DGKB: variants seen among roughly 807,000 people sequenced by gnomAD.
DGKB encodes the protein diacylglycerol kinase beta.
In DGKB, 67 loss-of-function variants were observed where a neutral mutation model predicts 114.3. The ratio of observed to expected loss-of-function variants is 0.59; its 90% confidence interval spans 0.48 to 0.72. DGKB has a LOEUF of 0.72. DGKB is among the 30% of genes least tolerant of loss of function. The pLI is 0.00. For synonymous variants in DGKB, 398 were observed against 323.1 expected, an observed-to-expected ratio of 1.23 and a Z score of -2.49; for missense variants, 907 against 975.2, an observed-to-expected ratio of 0.93 and a Z score of 0.93.
chr7:14,337,559 T>C (rs993273926), intron 23 of DGKB, among the ~76,000 whole-genome samples: 2 of 152,104 alleles, frequency 1.3e-5, no homozygotes, highest in African/African-American at 4.8e-5. Context: ...TTGAACCAGG[T>C]ACTCAAAGAC....
At chr7:14,371,293 T>C (rs1254412631) in intron 21 of DGKB, among the ~76,000 whole-genome samples, 1 of 152,174 alleles carries the variant, frequency 6.6e-6, no homozygotes, top group Non-Finnish European at 1.5e-5. Flanking sequence ...CAGCAGTGTA[T>C]AAGCAAGCAT....
chr7:14,754,041 A>C, intron 3 of DGKB, 93 bp from the exon 4 acceptor site: 1 of 916,908 alleles, frequency 1.1e-6, no homozygotes, highest in Non-Finnish European at 1.7e-6. Context: ...TAAAAGTTCA[A>C]GTTTACAGGT....
At chr7:14,350,305 A>C (rs1269936693) in intron 21 of DGKB, among the ~76,000 whole-genome samples, 2 of 152,136 alleles carry the variant, frequency 1.3e-5, no homozygotes, top group East Asian at 3.9e-4. Flanking sequence ...AATTTCCAGC[A>C]ATATATTTTC....
intron 23 of DGKB, among the ~76,000 whole-genome samples, chr7:14,197,373 G>T (rs1274329684): frequency 6.6e-6 from 1 of 151,670 alleles, no homozygotes. Flanking sequence ...TATGAAAGAA[G>T]ACTAAACTTG....
intron 13 of DGKB, among the ~76,000 whole-genome samples, chr7:14,639,070 T>TG (rs1554564535): frequency 2.6e-4 from 40 of 151,324 alleles, no homozygotes; most frequent in African/African-American, 9.7e-4. Flanking sequence ...TTTATTAAAT[T>TG]AAAAAAAACA....
chr7:14,631,781 G>A (rs1368089229), intron 13 of DGKB, among the ~76,000 whole-genome samples: 1 of 151,970 alleles, frequency 6.6e-6, no homozygotes, highest in Non-Finnish European at 1.5e-5. Flanking sequence ...GCTTCGGGTT[G>A]AAGCTTAAGG....
chr7:14,569,285 G>A (rs1278111303), intron 20 of DGKB, among the ~76,000 whole-genome samples: 1 of 152,126 alleles, frequency 6.6e-6, no homozygotes, highest in Non-Finnish European at 1.5e-5. Context: ...GGAGGCCCAA[G>A]TCAAAGGAAA....
At chr7:14,491,414 T>C (rs566647935) in intron 20 of DGKB, among the ~76,000 whole-genome samples, 1 of 152,222 alleles carries the variant, frequency 6.6e-6, no homozygotes, top group South Asian at 2.1e-4. Flanking sequence ...ATTAAATCTC[T>C]TTTTCTTTAT....
chr7:14,963,978 T>C (rs892149087), intron 1 of DGKB, among the ~76,000 whole-genome samples: 13 of 152,254 alleles, frequency 8.5e-5, no homozygotes, highest in Admixed American at 3.3e-4. Flanking sequence ...AGATGTATGA[T>C]ATTTGTTATA....
At chr7:14,182,586 G>T (rs1167732441) in intron 23 of DGKB, among the ~76,000 whole-genome samples, 1 of 152,066 alleles carries the variant, frequency 6.6e-6, no homozygotes, top group Non-Finnish European at 1.5e-5. Context: ...TCATTTTAAA[G>T]TTTATAAATC....
intron 25 of DGKB, among the ~76,000 whole-genome samples, chr7:14,162,561 G>A (rs1055291303): frequency 6.6e-6 from 1 of 152,108 alleles, no homozygotes; most frequent in African/African-American, 2.4e-5. Flanking sequence ...GTTCCTACAT[G>A]AGAATATGAT....
At chr7:14,701,008 A>C (rs1258285903) in intron 7 of DGKB, among the ~76,000 whole-genome samples, 3 of 152,300 alleles carry the variant, frequency 2.0e-5, no homozygotes, top group African/African-American at 4.8e-5. Flanking sequence ...ACTAAGACTA[A>C]GAACTACTTT....
chr7:14,621,349 T>C (rs569929656), intron 15 of DGKB, 29 bp downstream of exon 15: 9 of 1,380,782 alleles, frequency 6.5e-6, no homozygotes, highest in African/African-American at 1.4e-5. Context: ...ATATGAAACC[T>C]ACTAAAATTT....
intron 25 of DGKB, among the ~76,000 whole-genome samples, chr7:14,167,786 C>T (rs760271055): frequency 3.3e-5 from 5 of 152,164 alleles, no homozygotes; most frequent in Non-Finnish European, 7.3e-5. Flanking sequence ...GCTTTTGTAA[C>T]CTGAACCTAA....
At chr7:14,151,219 G>T (rs549307804) in intron 25 of DGKB, among the ~76,000 whole-genome samples, 1 of 151,960 alleles carries the variant, frequency 6.6e-6, no homozygotes, top group South Asian at 2.1e-4. Context: ...TGGACTAAAT[G>T]CTTTACACGG....
chr7:14,914,344 C>A (rs1297532249), intron 1 of DGKB, among the ~76,000 whole-genome samples: 2 of 151,968 alleles, frequency 1.3e-5, no homozygotes, highest in African/African-American at 4.8e-5. Flanking sequence ...AACTACACGC[C>A]CAAATACTTA....
intron 1 of DGKB, among the ~76,000 whole-genome samples, chr7:14,867,521 T>C (rs1851861496): frequency 6.6e-6 from 1 of 152,130 alleles, no homozygotes; most frequent in African/African-American, 2.4e-5. Flanking sequence ...TGCTCCAATG[T>C]ATACTTCTTA....
intron 17 of DGKB, among the ~76,000 whole-genome samples, chr7:14,590,024 G>T (rs1189364): frequency 1.3e-4 from 19 of 143,152 alleles, no homozygotes; most frequent in South Asian, 7.0e-4. Flanking sequence ...GTCGGGGGAG[G>T]GGGGAGGGAT....
chr7:14,707,399 C>T (rs1227799945), intron 6 of DGKB, among the ~76,000 whole-genome samples: 2 of 146,652 alleles, frequency 1.4e-5, no homozygotes, highest in Admixed American at 6.9e-5. Context: ...CAAGGAGGAA[C>T]TGGTACCATT....
Sources: allele counts gnomAD v4.1 joint callset (sites outside exome capture counted in the v4.1 genomes callset), GRCh38; gene constraint gnomAD v4.1.1; transcripts MANE v1.5; gene names NCBI Gene and HGNC (gene_info 2026-07-23, HGNC 2026-07-21).